The following FBXL17 variants were observed in gnomAD, a reference collection of about 807,000 sequenced individuals.
FBXL17 encodes F-box/LRR-repeat protein 17.
A neutral mutation model predicts 66.2 loss-of-function variants in FBXL17; 22 were observed. That is an observed-to-expected ratio of 0.33 (90% CI 0.24 to 0.47). The LOEUF is 0.47. Among genes scored for constraint, FBXL17 ranks in the 20% least tolerant of loss-of-function variants. The pLI is 1.00. For synonymous variants in FBXL17, 474 were observed against 400.5 expected, an observed-to-expected ratio of 1.18 and a Z score of -2.19; for missense variants, 878 against 948.2, an observed-to-expected ratio of 0.93 and a Z score of 0.97.
At chr5:108,148,016 T>A (rs1326163000) in intron 6 of FBXL17, among the ~76,000 whole-genome samples, 3 of 151,688 alleles carry the variant, frequency 2.0e-5, no homozygotes, top group African/African-American at 7.3e-5. Context: ...AAGCCTCTCA[T>A]TAAAGAAAAT....
chr5:108,174,419 T>C lies in FBXL17; in HGVS notation c.1745+11698A>G, dbSNP rs555681398. 4.6e-5 allele frequency among the ~76,000 whole-genome samples: 7 copies of C among 152,284 alleles called. No individual in the cohort carries two copies. The East Asian group carries it at 1.4e-3, about 29-fold the overall frequency. ...TCAAAAGACAGTTCCAAAGTGCATC[T>C]TGAACAAACAGAAAAGCAATTAGCC... On this transcript the variant is annotated intron_variant, in intron 6 of 8. Coordinates refer to ENST00000542267, the MANE Select transcript of FBXL17 (RefSeq NM_001163315.3).
Position 108,276,110 on chromosome 5 carries a change from C to T in FBXL17, c.1507-51882G>A, listed in dbSNP as rs185189594. Among the ~76,000 whole-genome samples, 12 of 152,214 alleles carry T rather than the reference C, an allele frequency of 7.9e-5. No individual in the cohort carries two copies. The South Asian group carries it at 1.0e-3, about 13-fold the overall frequency. On this transcript the variant is annotated intron_variant, in intron 4 of 8. Coordinates refer to ENST00000542267, the MANE Select transcript of FBXL17 (RefSeq NM_001163315.3). The stretch of plus-strand genomic sequence containing the variant: ...AAAATAACATGTCTAACTCCAAGTA[C>T]GAAACAAAATGCTTAATTAATTAGC...
chr5:108,277,083 T>C (rs539675438), intron 4 of FBXL17, among the ~76,000 whole-genome samples: 2 of 152,284 alleles, frequency 1.3e-5, no homozygotes, highest in Non-Finnish European at 2.9e-5. Flanking sequence ...ATTCTATCAA[T>C]GAAAACAGAA....
chr5:107,897,210 A>G (rs1047646307), intron 7 of FBXL17, among the ~76,000 whole-genome samples: 3 of 152,160 alleles, frequency 2.0e-5, no homozygotes, highest in South Asian at 4.1e-4. Context: ...TTTTTAATGT[A>G]GATGAAAGTG....
At chr5:108,126,663 A>C (rs968048667) in intron 6 of FBXL17, among the ~76,000 whole-genome samples, 959 of 94,710 alleles carry the variant, frequency 0.01, 6 homozygotes, top group South Asian at 0.024. Flanking sequence ...ATATATATAT[A>C]CATATATATA....
chr5:107,971,085 G>A (rs1752353945), intron 7 of FBXL17, among the ~76,000 whole-genome samples: 1 of 152,058 alleles, frequency 6.6e-6, no homozygotes, highest in Non-Finnish European at 1.5e-5. Flanking sequence ...TATTCCAAAA[G>A]GATTGATATA....
At chr5:108,317,061 T>A (rs945048888) in intron 4 of FBXL17, among the ~76,000 whole-genome samples, 6 of 151,264 alleles carry the variant, frequency 4.0e-5, no homozygotes, top group Admixed American at 4.0e-4. Context: ...AATTTCTAGT[T>A]CTGAGTTATA....
At chr5:108,233,377 A>G (rs944151386) in intron 4 of FBXL17, among the ~76,000 whole-genome samples, 2 of 152,200 alleles carry the variant, frequency 1.3e-5, no homozygotes, top group African/African-American at 4.8e-5. Context: ...GGAATTTTAA[A>G]GCTCCTGCCT....
At position 107,947,252 on chromosome 5, in the gene FBXL17, C is replaced by CT. The variant is rs543859461; in HGVS notation, c.1823-66074dup. Among the ~76,000 whole-genome samples the CT allele has an allele frequency of 3.3e-5, 5 of 152,326 alleles. No individual in the cohort carries two copies. The South Asian group carries it at 1.0e-3, about 32-fold the overall frequency. On this transcript the variant is annotated intron_variant, in intron 7 of 8. Transcript: ENST00000542267. ...GGTCTCAGCTTCTTGTGTATTAAGA[C>CT]TTTAGTTTTAGCTTCTGAGTTGAAA...
chr5:108,012,713 G>T (rs891490655), intron 7 of FBXL17, among the ~76,000 whole-genome samples: 1 of 152,124 alleles, frequency 6.6e-6, no homozygotes, highest in South Asian at 2.1e-4. Flanking sequence ...TCTACAACTT[G>T]AATAATAATA....
intron 7 of FBXL17, among the ~76,000 whole-genome samples, chr5:107,920,254 G>C (rs1490430858): frequency 1.3e-5 from 2 of 152,216 alleles, no homozygotes; most frequent in Non-Finnish European, 2.9e-5. Context: ...ACCTGGGCTG[G>C]AGTGCAACGG....
At chr5:108,100,654 A>G (rs1470134203) in intron 6 of FBXL17, among the ~76,000 whole-genome samples, 1 of 152,228 alleles carries the variant, frequency 6.6e-6, no homozygotes, top group Non-Finnish European at 1.5e-5. Flanking sequence ...ATAATTTACA[A>G]TATCAACAGC....
chr5:108,072,219 A>G (rs1286951688), intron 6 of FBXL17, among the ~76,000 whole-genome samples: 4 of 152,142 alleles, frequency 2.6e-5, no homozygotes, highest in African/African-American at 4.8e-5. Flanking sequence ...ATACTTAACT[A>G]TACCTAGCTA....
At chr5:107,879,979 G>A (rs563108103) in intron 8 of FBXL17, 4 of 814,408 alleles carry the variant, frequency 4.9e-6, no homozygotes, top group Non-Finnish European at 5.9e-6. Flanking sequence ...CCTTCACAAT[G>A]CAAATAACTA....
At chr5:108,298,045 A>T (rs1758420020) in intron 4 of FBXL17, 1 of 984,528 alleles carries the variant, frequency 1.0e-6, no homozygotes, top group Non-Finnish European at 1.2e-6. Flanking sequence ...GAACAGAATG[A>T]TGATAAAGCA....
intron 7 of FBXL17, among the ~76,000 whole-genome samples, chr5:107,904,200 C>G (rs1040498156): frequency 3.3e-5 from 5 of 152,064 alleles, no homozygotes; most frequent in Non-Finnish European, 7.4e-5. Flanking sequence ...TGTCTCTAAA[C>G]CTATTCTTCC....
At chr5:107,980,880 G>A (rs1179264542) in intron 7 of FBXL17, among the ~76,000 whole-genome samples, 1 of 150,880 alleles carries the variant, frequency 6.6e-6, no homozygotes, top group Non-Finnish European at 1.5e-5. Flanking sequence ...TCCTGACCTC[G>A]TGATCCGCCC....
intron 6 of FBXL17, among the ~76,000 whole-genome samples, chr5:108,094,526 C>T (rs764523569): frequency 2.6e-5 from 4 of 152,084 alleles, no homozygotes; most frequent in Non-Finnish European, 5.9e-5. Context: ...TTAAAGAATA[C>T]TGAAACTATT....
intron 4 of FBXL17, among the ~76,000 whole-genome samples, chr5:108,273,421 G>A (rs1330482006): frequency 6.6e-6 from 1 of 151,498 alleles, no homozygotes; most frequent in Non-Finnish European, 1.5e-5. Context: ...GCCTATTACT[G>A]GAAAGTATAC....
Sources: allele counts gnomAD v4.1 joint callset (sites outside exome capture counted in the v4.1 genomes callset), GRCh38; gene constraint gnomAD v4.1.1; transcripts MANE v1.5; gene names NCBI Gene and HGNC (gene_info 2026-07-23, HGNC 2026-07-21).